The following ADGRB3 variants were observed in gnomAD, a reference collection of about 807,000 sequenced individuals.
The protein encoded by ADGRB3 is adhesion G protein-coupled receptor B3, also known as brain-specific angiogenesis inhibitor 3.
Under a neutral mutation model 193.4 loss-of-function variants are expected in ADGRB3, and 37 were observed. That is an observed-to-expected ratio of 0.19 (90% confidence interval 0.15 to 0.25). The LOEUF is 0.25. Ranked by LOEUF, ADGRB3 falls within the 10% of genes least tolerant of loss-of-function variation. The pLI is 1.00. For synonymous variants in ADGRB3, 690 were observed against 644.2 expected, an observed-to-expected ratio of 1.07 and a Z score of -1.08; for missense variants, 1,637 against 1,852.9, an observed-to-expected ratio of 0.88 and a Z score of 2.14.
intron 17 of ADGRB3, among the ~76,000 whole-genome samples, chr6:69,077,600 C>T (rs1772269830): frequency 6.6e-6 from 1 of 151,870 alleles, no homozygotes; most frequent in Non-Finnish European, 1.5e-5. Context: ...TTTTCATAGA[C>T]AGTATAAGGT....
At chr6:69,212,998 T>G (rs1360194155) in intron 17 of ADGRB3, among the ~76,000 whole-genome samples, 2 of 152,164 alleles carry the variant, frequency 1.3e-5, no homozygotes, top group Admixed American at 1.3e-4. Flanking sequence ...TGTAATATGA[T>G]CCCATAATGT....
chr6:69,031,628 CCTTT>C (rs752197671), intron 13 of ADGRB3, among the ~76,000 whole-genome samples: 7 of 133,090 alleles, frequency 5.3e-5, no homozygotes, highest in East Asian at 4.4e-4. Flanking sequence ...TTTTTCTTTT[CCTTT>C]CTTTCTTTTT....
chr6:69,188,300 C>T (rs1191580411), intron 17 of ADGRB3, among the ~76,000 whole-genome samples: 1 of 151,870 alleles, frequency 6.6e-6, no homozygotes, highest in Non-Finnish European at 1.5e-5. Context: ...TGTCTCCATC[C>T]TGGAATTTCT....
At chr6:69,104,250 T>C (rs1384576467) in intron 17 of ADGRB3, among the ~76,000 whole-genome samples, 1 of 142,554 alleles carries the variant, frequency 7.0e-6, no homozygotes, top group African/African-American at 2.6e-5. Context: ...TGTGATCTCA[T>C]TGTTCAATTC....
chr6:69,096,526 TC>T (rs1276069116), intron 17 of ADGRB3, among the ~76,000 whole-genome samples: 2 of 152,082 alleles, frequency 1.3e-5, no homozygotes, highest in Admixed American at 1.3e-4. Context: ...GAATATTAGC[TC>T]CCCCATTGTC....
At chr6:68,912,952 C>A (rs1209844008) in intron 3 of ADGRB3, among the ~76,000 whole-genome samples, 1 of 152,182 alleles carries the variant, frequency 6.6e-6, no homozygotes, top group African/African-American at 2.4e-5. Context: ...TGGAATCTCA[C>A]TGATTGCTAG....
intron 17 of ADGRB3, among the ~76,000 whole-genome samples, chr6:69,221,951 A>G (rs760579821): frequency 6.6e-5 from 10 of 152,216 alleles, no homozygotes; most frequent in African/African-American, 1.4e-4. Flanking sequence ...TTGGTTATCC[A>G]GAGTTCCATT....
At chr6:69,074,835 G>A (rs1275618274) in intron 16 of ADGRB3, among the ~76,000 whole-genome samples, 2 of 152,142 alleles carry the variant, frequency 1.3e-5, no homozygotes, top group Non-Finnish European at 2.9e-5. Context: ...GTGAGCCACT[G>A]CGCCCGGCCT....
At chr6:69,227,378 A>T (rs1346354978) in intron 17 of ADGRB3, among the ~76,000 whole-genome samples, 1 of 152,202 alleles carries the variant, frequency 6.6e-6, no homozygotes, top group Non-Finnish European at 1.5e-5. Flanking sequence ...TGAGATCAGA[A>T]AAACCATTGA....
chr6:69,278,073 A>G (rs1230671810), intron 20 of ADGRB3, among the ~76,000 whole-genome samples: 1 of 152,148 alleles, frequency 6.6e-6, no homozygotes, highest in South Asian at 2.1e-4. Context: ...CTTCTTATTG[A>G]TTCTTTCTGA....
intron 17 of ADGRB3, among the ~76,000 whole-genome samples, chr6:69,145,014 G>A (rs1774446024): frequency 6.6e-6 from 1 of 152,010 alleles, no homozygotes; most frequent in Admixed American, 6.6e-5. Context: ...ACATTGTTTG[G>A]AATAGTTTGA....
At chr6:69,187,851 T>G (rs1439397448) in intron 17 of ADGRB3, among the ~76,000 whole-genome samples, 1 of 152,130 alleles carries the variant, frequency 6.6e-6, no homozygotes, top group African/African-American at 2.4e-5. Context: ...GAGCCAGGCA[T>G]TGTCTGGTCA....
intron 17 of ADGRB3, among the ~76,000 whole-genome samples, chr6:69,230,756 C>G (rs1458290402): frequency 6.6e-6 from 1 of 152,190 alleles, no homozygotes; most frequent in African/African-American, 2.4e-5. Flanking sequence ...TTACCCACCC[C>G]CCTCCTCACC....
rs117356395 is a variant in ADGRB3, at chr6:68,960,688, A to G, written c.1525+3879A>G. On this transcript the variant is annotated intron_variant, in intron 8 of 31. Transcript: ENST00000370598. ...CAAAGCTTGCCTACTTTGCACTCCT[A>G]TCTTCTTTTGAGTGCCTCCCTCATT... Among the ~76,000 whole-genome samples the G allele has an allele frequency of 2.9e-3, 443 of 152,238 alleles. 1 individual carries two copies. Among genetic ancestry groups the G allele is most frequent in the Non-Finnish European group, 5.1e-3 (348 of 68,020 alleles).
At chr6:69,170,887 G>A (rs1475716499) in intron 17 of ADGRB3, among the ~76,000 whole-genome samples, 3 of 152,100 alleles carry the variant, frequency 2.0e-5, no homozygotes, top group Non-Finnish European at 2.9e-5. Context: ...GAGAGTTCAT[G>A]TAAGGTGACA....
At chr6:68,912,636 G>T (rs1465526083) in intron 3 of ADGRB3, among the ~76,000 whole-genome samples, 1 of 152,024 alleles carries the variant, frequency 6.6e-6, no homozygotes, top group Non-Finnish European at 1.5e-5. Context: ...TTTTGTCCTT[G>T]CGATAGTTTA....
intron 8 of ADGRB3, among the ~76,000 whole-genome samples, chr6:68,969,498 C>T (rs1228055474): frequency 6.6e-6 from 1 of 152,148 alleles, no homozygotes; most frequent in Non-Finnish European, 1.5e-5. Flanking sequence ...TATCTTAGTT[C>T]TTTCTGTGTT....
chr6:68,921,436 T>C (rs1392299673), intron 3 of ADGRB3, among the ~76,000 whole-genome samples: 1 of 152,146 alleles, frequency 6.6e-6, no homozygotes, highest in Admixed American at 6.5e-5. Context: ...AGAAATCAAA[T>C]AGATTCAGAT....
chr6:68,866,051 C>A (rs1200151234), intron 3 of ADGRB3, among the ~76,000 whole-genome samples: 1 of 152,042 alleles, frequency 6.6e-6, no homozygotes, highest in East Asian at 1.9e-4. Flanking sequence ...GGATCTGATC[C>A]CAATTATGGG....
Sources: gnomAD v4.1 joint callset for allele counts (sites outside exome capture counted in the v4.1 genomes callset) on GRCh38, gnomAD v4.1.1 for gene constraint, MANE v1.5 for transcripts, NCBI Gene and HGNC (gene_info 2026-07-23, HGNC 2026-07-21) for gene names.